TBC1D32: variants seen among roughly 807,000 people sequenced by gnomAD.
The protein encoded by TBC1D32 is protein broad-minded.
TBC1D32 carries 151 observed loss-of-function variants against 170.3 expected under a neutral mutation model. That is an observed-to-expected ratio of 0.89 (90% CI 0.78 to 1.01). The LOEUF is 1.01. TBC1D32 is among the 50% of genes least tolerant of loss of function. The probability of loss-of-function intolerance (pLI) is 0.00; values close to 1 mark genes in which losing one functional copy is unlikely to be tolerated. For synonymous variants in TBC1D32, 498 were observed against 488.0 expected (o/e 1.02, Z -0.27); for missense variants, 1,464 against 1,457.1 (o/e 1.00, Z -0.08).
intron 24 of TBC1D32, among the ~76,000 whole-genome samples, chr6:121,156,950 T>C (rs928126147): frequency 1.3e-5 from 2 of 152,152 alleles, no homozygotes; most frequent in African/African-American, 2.4e-5. Context: ...ACAGAATATG[T>C]TGCATGTGTA....
chr6:121,298,271 T>C (rs1267193353), intron 10 of TBC1D32, among the ~76,000 whole-genome samples: 1 of 152,102 alleles, frequency 6.6e-6, no homozygotes, highest in Non-Finnish European at 1.5e-5. Context: ...TTTGACTAAG[T>C]TGATAAAAAT....
Position 121,160,124 on chromosome 6 carries a change from A to G in TBC1D32, c.2680-21T>C, listed in dbSNP as rs376003481. ...TCACTCTAAAAAAGAAGCAAGACAGATGACTTTAGGAAGTGGTCTAAAATA... is the reference window on the plus strand; with the variant it reads ...TCACTCTAAAAAAGAAGCAAGACAGGTGACTTTAGGAAGTGGTCTAAAATA... On this transcript the variant is annotated intron_variant, in intron 23 of 31. Transcript: ENST00000398212. 4.8e-6 allele frequency: 7 copies of G among 1,454,402 alleles called. No individual in the cohort carries two copies. The African/African-American group carries it at 8.4e-5, about 17-fold the overall frequency. The allele number at this position is 1,454,402 out of a possible 1,614,324, so 90.1% of individuals were successfully genotyped here.
upstream of TBC1D32, chr6:121,334,685 A>T: frequency 1.9e-6 from 1 of 534,864 alleles, no homozygotes; most frequent in Admixed American, 3.3e-5. Flanking sequence ...CAGTACCAGC[A>T]GACCTCAGGC....
At chr6:121,172,293 C>T (rs9375007) in intron 22 of TBC1D32, among the ~76,000 whole-genome samples, 104,457 of 151,988 alleles carry the variant, frequency 0.69, 41,066 homozygotes, top group Non-Finnish European at 0.87. Context: ...TGGGCTCCTC[C>T]TACCTTTAAG....
chr6:121,152,779 C>T (rs771995120), intron 24 of TBC1D32, among the ~76,000 whole-genome samples: 4 of 151,968 alleles, frequency 2.6e-5, no homozygotes, highest in Non-Finnish European at 4.4e-5. Flanking sequence ...CACTTTCTTC[C>T]GCTTGATTGA....
intron 20 of TBC1D32, among the ~76,000 whole-genome samples, chr6:121,233,573 C>A (rs931803880): frequency 5.3e-5 from 8 of 152,014 alleles, no homozygotes; most frequent in Non-Finnish European, 1.0e-4. Context: ...CTTTTTCCAC[C>A]CCTTTATCTT....
chr6:121,209,989 TG>T (rs1234267523), intron 21 of TBC1D32, among the ~76,000 whole-genome samples: 1 of 152,230 alleles, frequency 6.6e-6, no homozygotes, highest in Non-Finnish European at 1.5e-5. Context: ...ATCGTAGAGC[TG>T]GATGGTAAGT....
intron 30 of TBC1D32, among the ~76,000 whole-genome samples, chr6:121,097,499 T>C (rs182060044): frequency 1.5e-3 from 223 of 152,168 alleles, no homozygotes; most frequent in Non-Finnish European, 2.8e-3. Flanking sequence ...TGAGATACCA[T>C]CTCATGCCAG....
chr6:121,285,352 T>C (rs1247521487), intron 12 of TBC1D32, among the ~76,000 whole-genome samples: 1 of 152,188 alleles, frequency 6.6e-6, no homozygotes, highest in African/African-American at 2.4e-5. Context: ...GGTTGAGTCA[T>C]ACAGAATACA....
intron 22 of TBC1D32, among the ~76,000 whole-genome samples, chr6:121,195,011 A>T (rs761062167): frequency 1.3e-5 from 2 of 152,228 alleles, no homozygotes; most frequent in Non-Finnish European, 2.9e-5. Context: ...ATTACTTCTA[A>T]AGTGAAGGAT....
At chr6:121,203,560 A>C (rs1023954945) in intron 22 of TBC1D32, among the ~76,000 whole-genome samples, 1 of 151,390 alleles carries the variant, frequency 6.6e-6, no homozygotes. Flanking sequence ...TATTAATACT[A>C]CTGTTTTTAC....
intron 20 of TBC1D32, among the ~76,000 whole-genome samples, chr6:121,237,633 T>C (rs963451354): frequency 2.0e-5 from 3 of 152,014 alleles, no homozygotes; most frequent in African/African-American, 7.2e-5. Flanking sequence ...TATGTTTAAA[T>C]CTGTGAAGGC....
chr6:121,290,194 C>T (rs1162090197), intron 12 of TBC1D32, among the ~76,000 whole-genome samples: 1 of 152,080 alleles, frequency 6.6e-6, no homozygotes, highest in Non-Finnish European at 1.5e-5. Flanking sequence ...AAAGAAACTA[C>T]CATCAGAGTC....
intron 26 of TBC1D32, among the ~76,000 whole-genome samples, chr6:121,119,632 G>A (rs896047724): frequency 1.1e-4 from 16 of 152,006 alleles, no homozygotes; most frequent in African/African-American, 3.6e-4. Flanking sequence ...CTTGTTCCAG[G>A]GAATTGAACC....
intron 30 of TBC1D32, among the ~76,000 whole-genome samples, chr6:121,105,504 A>G (rs1244429637): frequency 2.0e-5 from 3 of 152,034 alleles, no homozygotes; most frequent in Non-Finnish European, 4.4e-5. Context: ...CACCTCCACC[A>G]ACGAAGGACT....
At chr6:121,144,019 T>C (rs1212146580) in intron 24 of TBC1D32, among the ~76,000 whole-genome samples, 3 of 152,176 alleles carry the variant, frequency 2.0e-5, no homozygotes, top group Non-Finnish European at 4.4e-5. Context: ...GCTGCCTAGA[T>C]CATGCTGTCT....
chr6:121,290,647 T>C (rs977335893), intron 12 of TBC1D32, among the ~76,000 whole-genome samples: 1 of 152,246 alleles, frequency 6.6e-6, no homozygotes, highest in Non-Finnish European at 1.5e-5. Flanking sequence ...GTCCCATTAC[T>C]GGGTATATAC....
chr6:121,080,756 C>G lies in TBC1D32; in HGVS notation c.*15G>C, dbSNP rs138950137. ...AAATAAATAAAACCTAAATTTAAAC[C>G]GTGTGTCTCATGATCTATGTGCTCT... is the stretch of plus-strand genomic sequence containing the variant. On this transcript the variant is annotated 3_prime_UTR_variant, in exon 32 of 32. Coordinates refer to ENST00000398212, the MANE Select transcript of TBC1D32 (RefSeq NM_152730.6). 6.3e-7 allele frequency: 1 copy of G among 1,598,250 alleles called. No individual in the cohort carries two copies. Among genetic ancestry groups the G allele is most frequent in the Non-Finnish European group, 8.5e-7 (1 of 1,174,678 alleles).
At chr6:121,243,897 G>A (rs751050146) in intron 17 of TBC1D32, among the ~76,000 whole-genome samples, 24 of 151,794 alleles carry the variant, frequency 1.6e-4, no homozygotes, top group Non-Finnish European at 2.9e-4. Context: ...AATAATGGAA[G>A]TATCACATAT....
Sources: gnomAD v4.1 joint callset for allele counts (sites outside exome capture counted in the v4.1 genomes callset) on GRCh38, gnomAD v4.1.1 for gene constraint, MANE v1.5 for transcripts, NCBI Gene and HGNC (gene_info 2026-07-23, HGNC 2026-07-21) for gene names.